Variants in ACSS3 observed in about 807,000 individuals in gnomAD.
ACSS3 encodes acyl-CoA synthetase short chain family member 3.
ACSS3 carries 64 observed loss-of-function variants against 84.2 expected under a neutral mutation model. The observed-to-expected ratio is 0.76, with a 90% confidence interval of 0.62 to 0.94. ACSS3 has a LOEUF of 0.94. ACSS3 is among the 40% of genes least tolerant of loss of function. The pLI, the probability that ACSS3 is intolerant of heterozygous loss-of-function variation, is 0.00. For synonymous variants in ACSS3, 317 were observed against 310.1 expected, an observed-to-expected ratio of 1.02 and a Z score of -0.23; for missense variants, 815 against 867.6, an observed-to-expected ratio of 0.94 and a Z score of 0.76.
At chr12:81,205,350 C>G (rs2032300429) in intron 9 of ACSS3, among the ~76,000 whole-genome samples, 1 of 152,036 alleles carries the variant, frequency 6.6e-6, no homozygotes, top group Non-Finnish European at 1.5e-5. Flanking sequence ...ACAACTGAGG[C>G]AAGACTTTTA....
At chr12:81,229,805 A>T (rs923806927) in intron 11 of ACSS3, among the ~76,000 whole-genome samples, 1 of 152,078 alleles carries the variant, frequency 6.6e-6, no homozygotes, top group Admixed American at 6.6e-5. Context: ...AATAAAGAGC[A>T]TCTAGCAAAG....
intron 2 of ACSS3, among the ~76,000 whole-genome samples, chr12:81,129,800 CGT>C: frequency 7.5e-6 from 1 of 133,674 alleles, no homozygotes; most frequent in South Asian, 2.9e-4. Context: ...GATAGGCCCC[CGT>C]GTGTGATATT....
At chr12:81,148,104 A>G (rs1409765184) in intron 5 of ACSS3, among the ~76,000 whole-genome samples, 1 of 151,946 alleles carries the variant, frequency 6.6e-6, no homozygotes, top group Non-Finnish European at 1.5e-5. Flanking sequence ...CATGTACTCT[A>G]AGCTTTTCTA....
chr12:81,088,640 A>C (rs1881475356), intron 1 of ACSS3, among the ~76,000 whole-genome samples: 1 of 152,002 alleles, frequency 6.6e-6, no homozygotes, highest in African/African-American at 2.4e-5. Flanking sequence ...TTTCTTAAGA[A>C]ACTTGCCTAA....
chr12:81,080,625 T>C (rs1880909004), intron 1 of ACSS3, among the ~76,000 whole-genome samples: 1 of 152,164 alleles, frequency 6.6e-6, no homozygotes, highest in South Asian at 2.1e-4. Flanking sequence ...TAAATTTCAG[T>C]TAGTCAGTAG....
chr12:81,259,236 C>G lies in ACSS3; in HGVS notation c.*4314C>G. On this transcript the variant is annotated 3_prime_UTR_variant, in exon 16 of 16. Coordinates refer to ENST00000548058, the MANE Select transcript of ACSS3 (RefSeq NM_024560.4). ...GTGGAATGGTAAAATACAAACAGTA[C>G]TTGGAATTGTCAAATGTTTGCACTC... is the stretch of plus-strand genomic sequence containing the variant. The G allele has an allele frequency of 1.1e-5, 3 of 267,956 alleles. No individual in the cohort carries two copies. The highest frequency in any genetic ancestry group is 3.8e-5 in the South Asian group (1 of 26,310). The allele number at this position is 267,956 out of a possible 1,614,324, so 16.6% of individuals were successfully genotyped here.
At chr12:81,138,896 G>A (rs373188261) in intron 3 of ACSS3, among the ~76,000 whole-genome samples, 5 of 152,242 alleles carry the variant, frequency 3.3e-5, no homozygotes, top group East Asian at 3.9e-4. Flanking sequence ...TCATACATAT[G>A]AGTCAAAAAC....
At chr12:81,234,160 G>T (rs188325311) in intron 13 of ACSS3, among the ~76,000 whole-genome samples, 58 of 151,404 alleles carry the variant, frequency 3.8e-4, no homozygotes, top group African/African-American at 1.4e-3. Context: ...TGTAACCTTT[G>T]AGACTGGGTT....
intron 13 of ACSS3, among the ~76,000 whole-genome samples, chr12:81,242,642 T>C (rs1377242096): frequency 7.0e-6 from 1 of 143,684 alleles, no homozygotes; most frequent in African/African-American, 2.5e-5. Flanking sequence ...CAGCAGCACA[T>C]CAAAAAGTTT....
chr12:81,157,283 G>A (rs1886922317), intron 7 of ACSS3, among the ~76,000 whole-genome samples: 20 of 152,082 alleles, frequency 1.3e-4, no homozygotes, highest in Admixed American at 1.3e-3. Flanking sequence ...TGTAGAAAAA[G>A]TTGTTTAATA....
At chr12:81,233,269 TTG>T in intron 12 of ACSS3, 78 bp from the exon 13 acceptor site, 2 of 1,466,356 alleles carry the variant, frequency 1.4e-6, no homozygotes, top group East Asian at 2.3e-5. Flanking sequence ...TTCTATTACA[TTG>T]TGTGTTTTAC....
At chr12:81,157,684 A>G (rs1040469244) in intron 7 of ACSS3, among the ~76,000 whole-genome samples, 1 of 151,892 alleles carries the variant, frequency 6.6e-6, no homozygotes, top group African/African-American at 2.4e-5. Flanking sequence ...GTGCGCACCT[A>G]TAGTCCCAGC....
intron 7 of ACSS3, among the ~76,000 whole-genome samples, chr12:81,165,125 G>C (rs943085886): frequency 6.6e-6 from 1 of 152,098 alleles, no homozygotes; most frequent in African/African-American, 2.4e-5. Context: ...CCCATGACTA[G>C]TTGTTAAAAA....
intron 7 of ACSS3, among the ~76,000 whole-genome samples, chr12:81,172,934 C>T (rs138528923): frequency 3.2e-3 from 489 of 152,210 alleles, no homozygotes; most frequent in Middle Eastern, 6.8e-3. Flanking sequence ...GTTAAATTAT[C>T]CTACATTATT....
At chr12:81,170,095 GAATCATA>G (rs2029923198) in intron 7 of ACSS3, among the ~76,000 whole-genome samples, 1 of 152,070 alleles carries the variant, frequency 6.6e-6, no homozygotes, top group African/African-American at 2.4e-5. Flanking sequence ...TGAAGAAATG[GAATCATA>G]GGATTAATCA....
intron 3 of ACSS3, among the ~76,000 whole-genome samples, chr12:81,138,303 G>T (rs962079077): frequency 6.6e-6 from 1 of 152,200 alleles, no homozygotes; most frequent in African/African-American, 2.4e-5. Context: ...CAAGCACTGT[G>T]CTAGGTATAG....
chr12:81,209,075 T>C (rs2032476264), intron 9 of ACSS3, among the ~76,000 whole-genome samples: 1 of 152,132 alleles, frequency 6.6e-6, no homozygotes. Context: ...CTCTGGTTCA[T>C]TTTGGGATTA....
intron 7 of ACSS3, among the ~76,000 whole-genome samples, chr12:81,169,431 T>C (rs1217925290): frequency 3.3e-5 from 5 of 152,104 alleles, no homozygotes; most frequent in Admixed American, 3.3e-4. Flanking sequence ...GAAAGGGGCA[T>C]TGAGAAAGAA....
At chr12:81,196,028 C>G (rs946128222) in intron 8 of ACSS3, among the ~76,000 whole-genome samples, 3 of 152,110 alleles carry the variant, frequency 2.0e-5, no homozygotes, top group African/African-American at 7.2e-5. Context: ...GTTGAGATAA[C>G]AGTTTACTTA....
Sources: allele counts gnomAD v4.1 joint callset (sites outside exome capture counted in the v4.1 genomes callset), GRCh38; gene constraint gnomAD v4.1.1; transcripts MANE v1.5; gene names NCBI Gene and HGNC (gene_info 2026-07-23, HGNC 2026-07-21).